The following NWD2 variants were observed in gnomAD, a reference collection of about 807,000 sequenced individuals.
NWD2 encodes the protein NACHT and WD repeat domain-containing protein 2.
A neutral mutation model predicts 132.7 loss-of-function variants in NWD2; 37 were observed. That is an observed-to-expected ratio of 0.28 (90% CI 0.21 to 0.37). The LOEUF is 0.37. Ranked by LOEUF, NWD2 falls within the 10% of genes least tolerant of loss-of-function variation. The probability of loss-of-function intolerance (pLI) is 1.00; values close to 1 mark genes in which losing one functional copy is unlikely to be tolerated. For synonymous variants in NWD2, 705 were observed against 803.0 expected (o/e 0.88, Z 2.06); for missense variants, 1,592 against 2,122.4 (o/e 0.75, Z 4.91).
At chr4:37,272,340 T>A (rs1238577779) in intron 1 of NWD2, among the ~76,000 whole-genome samples, 1 of 151,656 alleles carries the variant, frequency 6.6e-6, no homozygotes, top group Non-Finnish European at 1.5e-5. Flanking sequence ...CACCTCTATT[T>A]AAAAAAATAG....
At chr4:37,397,741 C>A (rs1250899938) in intron 3 of NWD2, among the ~76,000 whole-genome samples, 2 of 152,098 alleles carry the variant, frequency 1.3e-5, no homozygotes, top group East Asian at 3.9e-4. Flanking sequence ...CTCGCCAGTA[C>A]CCCTTGCCAA....
At chr4:37,250,456 C>T (rs1361015148) in intron 1 of NWD2, among the ~76,000 whole-genome samples, 1 of 152,144 alleles carries the variant, frequency 6.6e-6, no homozygotes, top group Non-Finnish European at 1.5e-5. Context: ...AGTTGCTTAA[C>T]TTGTTTTGAG....
intron 3 of NWD2, among the ~76,000 whole-genome samples, chr4:37,387,622 C>T (rs369639965): frequency 4.6e-5 from 7 of 151,914 alleles, no homozygotes; most frequent in African/African-American, 7.2e-5. Flanking sequence ...CTCTCATCCC[C>T]GCAGCCTGCT....
intron 3 of NWD2, among the ~76,000 whole-genome samples, chr4:37,409,502 G>A (rs1471289829): frequency 6.6e-6 from 1 of 152,000 alleles, no homozygotes. Flanking sequence ...AGAAATATGG[G>A]AGTATGTGGA....
At chr4:37,337,434 G>A (rs772421949) in intron 2 of NWD2, among the ~76,000 whole-genome samples, 13 of 152,252 alleles carry the variant, frequency 8.5e-5, no homozygotes, top group Non-Finnish European at 1.5e-4. Flanking sequence ...TCCTAGGTGT[G>A]TAAGGAAGTG....
intron 1 of NWD2, among the ~76,000 whole-genome samples, chr4:37,294,161 C>A (rs2109273554): frequency 6.6e-6 from 1 of 152,138 alleles, no homozygotes; most frequent in East Asian, 1.9e-4. Context: ...AATGTGAGAG[C>A]TTCCAATCTT....
chr4:37,418,930 G>A (rs149430379), intron 3 of NWD2, among the ~76,000 whole-genome samples: 29 of 151,960 alleles, frequency 1.9e-4, no homozygotes, highest in African/African-American at 6.3e-4. Flanking sequence ...GACCAGTGAT[G>A]ATGAGCTTTT....
intron 3 of NWD2, among the ~76,000 whole-genome samples, chr4:37,426,040 A>G (rs1316255026): frequency 6.6e-6 from 1 of 152,188 alleles, no homozygotes; most frequent in African/African-American, 2.4e-5. Context: ...TTTGCAACTG[A>G]GTTGGACTGC....
In NWD2 at chr4:37,395,584, CAAAAA is replaced by C. The variant is rs1156884728; in HGVS notation, c.358-34967_358-34963del. On this transcript the variant is annotated intron_variant, in intron 3 of 6. Coordinates refer to ENST00000309447, the MANE Select transcript of NWD2 (RefSeq NM_001144990.2). Reference sequence around the variant, plus strand: ...GGGCAACAAGAGCGAAACTCTGTCTCAAAAAAAAAAAAAAAAAAAAAAAAAGAGTC... The same window carrying C: ...GGGCAACAAGAGCGAAACTCTGTCTCAAAAAAAAAAAAAAAAAAAAGAGTC... Among the ~76,000 whole-genome samples, 112 of 18,282 alleles carry C rather than the reference CAAAAA, an allele frequency of 6.1e-3. 3 individuals carry two copies. Among genetic ancestry groups the C allele is most frequent in the Middle Eastern group, 0.056 (1 of 18 alleles). 12.0% of individuals were successfully genotyped at this position (18,282 alleles called of 152,430 possible).
intron 3 of NWD2, among the ~76,000 whole-genome samples, chr4:37,358,907 C>G (rs888487448): frequency 6.6e-6 from 1 of 152,120 alleles, no homozygotes; most frequent in African/African-American, 2.4e-5. Flanking sequence ...ATAGAAGAGA[C>G]TCAAATATTG....
intron 3 of NWD2, among the ~76,000 whole-genome samples, chr4:37,394,813 T>TTTG (rs1720752652): frequency 8.4e-6 from 1 of 119,558 alleles, no homozygotes; most frequent in Non-Finnish European, 1.8e-5. Flanking sequence ...TTTTTTTTTT[T>TTTG]TTTTTTTTTT....
intron 3 of NWD2, among the ~76,000 whole-genome samples, chr4:37,364,279 A>C (rs1262217470): frequency 6.6e-6 from 1 of 152,188 alleles, no homozygotes; most frequent in Non-Finnish European, 1.5e-5. Context: ...ATAGCATCTC[A>C]CTACAGTTCC....
intron 3 of NWD2, among the ~76,000 whole-genome samples, chr4:37,413,869 G>C (rs1006539027): frequency 2.2e-4 from 34 of 152,096 alleles, no homozygotes; most frequent in African/African-American, 8.2e-4. Flanking sequence ...ACTATCACAA[G>C]AACAGAAAAC....
At chr4:37,348,551 C>T (rs1237557859) in intron 2 of NWD2, among the ~76,000 whole-genome samples, 4 of 146,376 alleles carry the variant, frequency 2.7e-5, no homozygotes, top group Non-Finnish European at 3.0e-5. Context: ...CATCCCTTCT[C>T]ACACTTGCCA....
intron 2 of NWD2, among the ~76,000 whole-genome samples, chr4:37,334,510 C>T (rs1339148771): frequency 6.6e-6 from 1 of 152,198 alleles, no homozygotes; most frequent in East Asian, 1.9e-4. Context: ...CACCCCACAC[C>T]CTGTCCTTCA....
intron 2 of NWD2, 36 bp from the exon 3 acceptor site, chr4:37,356,330 C>A: frequency 8.8e-7 from 1 of 1,130,382 alleles, no homozygotes; most frequent in Non-Finnish European, 1.3e-6. Context: ...ACAAAGCCCA[C>A]ATGTAAACTA....
intron 2 of NWD2, among the ~76,000 whole-genome samples, chr4:37,343,817 T>C (rs190437055): frequency 6.6e-6 from 1 of 152,340 alleles, no homozygotes; most frequent in South Asian, 2.1e-4. Flanking sequence ...ATTTGTTTTT[T>C]TACAGATTGC....
chr4:37,395,761 G>A lies in NWD2; in HGVS notation c.358-34811G>A, dbSNP rs555431943. On this transcript the variant is annotated intron_variant, in intron 3 of 6. Transcript: ENST00000309447. ...TTCTCCGTTTTTCAGGTCAATATAA[G>A]GGAAGGGGAAATAGAAGACAAGGAG... Among the ~76,000 whole-genome samples, 38 of 151,556 alleles carry A rather than the reference G, an allele frequency of 2.5e-4. 1 individual carries two copies. The highest frequency in any genetic ancestry group is 9.0e-4 in the African/African-American group (37 of 41,314).
chr4:37,309,673 G>A (rs1243684338), intron 1 of NWD2, among the ~76,000 whole-genome samples: 1 of 152,146 alleles, frequency 6.6e-6, no homozygotes, highest in Non-Finnish European at 1.5e-5. Flanking sequence ...GGGCTCCCTT[G>A]CAGCTAGAAT....
Sources: gnomAD v4.1 joint callset for allele counts (sites outside exome capture counted in the v4.1 genomes callset) on GRCh38, gnomAD v4.1.1 for gene constraint, MANE v1.5 for transcripts, NCBI Gene and HGNC (gene_info 2026-07-23, HGNC 2026-07-21) for gene names.